FMN2: variants seen among roughly 807,000 people sequenced by gnomAD.
The protein encoded by FMN2 is formin-2.
A neutral mutation model predicts 142.3 loss-of-function variants in FMN2; 51 were observed. The ratio of observed to expected loss-of-function variants is 0.36; its 90% CI spans 0.29 to 0.45. The LOEUF is 0.45. Among genes scored for constraint, FMN2 ranks in the 20% least tolerant of loss-of-function variants. FMN2 has a pLI of 1.00. For missense variants in FMN2, 1,936 were observed against 2,122.8 expected (o/e 0.91, Z 1.73); for synonymous variants, 882 against 869.8 (o/e 1.01, Z -0.25).
intron 16 of FMN2, among the ~76,000 whole-genome samples, chr1:240,438,932 C>T (rs1463790098): frequency 1.3e-5 from 2 of 152,160 alleles, no homozygotes; most frequent in Non-Finnish European, 2.9e-5. Context: ...AACTAGTATA[C>T]TTCCTAACAT....
chr1:240,093,005 T>G lies in FMN2; in HGVS notation c.896T>G (p.Leu299Arg), dbSNP rs1337570992. 1 of 1,397,972 alleles carries G rather than the reference T, an allele frequency of 7.2e-7. No homozygotes were observed. The highest frequency in any genetic ancestry group is 1.5e-5 in the African/African-American group (1 of 65,416). The allele number at this position is 1,397,972 out of a possible 1,614,324, so 86.6% of individuals were successfully genotyped here. Residue 299 changes from leucine (L) to arginine (R), a missense_variant, in exon 1 of 18, where the codon CTC becomes CGC. Leu to Arg is a moderately radical substitution (Grantham distance 102). Transcript: ENST00000319653. ...EPQQPPSPGG[L>R]PVSEAPSLPA... ...CAGCAACCGCCGTCCCCCGGCGGCC[T>G]CCCGGTCTCCGAGGCGCCCAGTCTC...
chr1:240,121,123 T>G (rs375462433), intron 1 of FMN2, among the ~76,000 whole-genome samples: 1 of 151,640 alleles, frequency 6.6e-6, no homozygotes, highest in South Asian at 2.1e-4. Flanking sequence ...ACCGCGCCAC[T>G]GCGCGGGTGA....
chr1:240,374,449 C>T (rs1336340292), intron 14 of FMN2, among the ~76,000 whole-genome samples: 1 of 152,310 alleles, frequency 6.6e-6, no homozygotes, highest in East Asian at 1.9e-4. Flanking sequence ...CCACCTTCGT[C>T]GATTATCTTA....
chr1:240,348,512 C>A (rs574279733), intron 13 of FMN2, among the ~76,000 whole-genome samples: 15 of 142,138 alleles, frequency 1.1e-4, no homozygotes, highest in Non-Finnish European at 3.0e-5. Context: ...CATGAGCCAC[C>A]GCGCCCAGCC....
chr1:240,466,623 C>A (rs767398545), intron 16 of FMN2, among the ~76,000 whole-genome samples: 54 of 152,166 alleles, frequency 3.5e-4, no homozygotes, highest in Non-Finnish European at 7.1e-4. Context: ...CTGTCATTAC[C>A]AATCAACAAT....
chr1:240,135,757 G>A (rs12126603), intron 2 of FMN2, among the ~76,000 whole-genome samples: 1 of 148,966 alleles, frequency 6.7e-6, no homozygotes, highest in African/African-American at 2.5e-5. Context: ...TCGGCTCACT[G>A]CAGCCTCCGC....
chr1:240,381,769 C>T (rs1673234340), intron 14 of FMN2, among the ~76,000 whole-genome samples: 1 of 152,088 alleles, frequency 6.6e-6, no homozygotes, highest in African/African-American at 2.4e-5. Flanking sequence ...TCAGTAAAAT[C>T]CAACATTGCT....
chr1:240,459,015 T>C (rs1039847805), intron 16 of FMN2: 7 of 152,080 alleles, frequency 4.6e-5, no homozygotes, highest in African/African-American at 1.7e-4. Flanking sequence ...AACCAAACTC[T>C]TTTTTTTCTA....
intron 7 of FMN2, among the ~76,000 whole-genome samples, chr1:240,287,398 G>A (rs1285644338): frequency 6.6e-6 from 1 of 152,136 alleles, no homozygotes; most frequent in Non-Finnish European, 1.5e-5. Context: ...GGGTAAAGAT[G>A]CTTTCTTCAA....
intron 14 of FMN2, among the ~76,000 whole-genome samples, chr1:240,368,151 T>C (rs1672745796): frequency 1.3e-5 from 2 of 152,266 alleles, no homozygotes; most frequent in South Asian, 4.1e-4. Flanking sequence ...AGACTTCTAA[T>C]AAGTCTTGAA....
At chr1:240,290,192 A>G (rs1196747630) in intron 7 of FMN2, among the ~76,000 whole-genome samples, 1 of 152,108 alleles carries the variant, frequency 6.6e-6, no homozygotes, top group Non-Finnish European at 1.5e-5. Flanking sequence ...AAGAAAACAG[A>G]TTTCTTTTTC....
In FMN2 at chr1:240,224,214, T is replaced by C. The variant is rs1024594472; in HGVS notation, c.4065+12979T>C. On this transcript the variant is annotated intron_variant, in intron 6 of 17. Transcript: ENST00000319653. ...GTTCTCATTGGTTTCAAAGAACTTATTTATTTCTGGCTTGATTTCGTTATT... is the reference window on the plus strand; with the variant it reads ...GTTCTCATTGGTTTCAAAGAACTTACTTATTTCTGGCTTGATTTCGTTATT... Among the ~76,000 whole-genome samples the C allele has an allele frequency of 2.6e-5, 4 of 152,338 alleles. No homozygotes were observed. In the East Asian group the frequency reaches 7.7e-4, roughly 29 times the overall value.
At chr1:240,268,455 CCTAA>C (rs1033236060) in intron 7 of FMN2, among the ~76,000 whole-genome samples, 1 of 151,968 alleles carries the variant, frequency 6.6e-6, no homozygotes, top group African/African-American at 2.4e-5. Flanking sequence ...TAAAATCTCC[CCTAA>C]CTGTGTGGCT....
At chr1:240,322,015 T>C (rs1298034118) in intron 8 of FMN2, among the ~76,000 whole-genome samples, 1 of 152,152 alleles carries the variant, frequency 6.6e-6, no homozygotes, top group Non-Finnish European at 1.5e-5. Context: ...ACAGTGCATT[T>C]AATACACCTA....
At position 240,109,233 on chromosome 1, in the gene FMN2, G is replaced by T. The variant is rs116304576; in HGVS notation, c.1616-13946G>T. On this transcript the variant is annotated intron_variant, in intron 1 of 17. Coordinates refer to ENST00000319653, the MANE Select transcript of FMN2 (RefSeq NM_020066.5). The stretch of plus-strand genomic sequence containing the variant: ...TTAGACATATGACTCAAGTATTTGG[G>T]CCTTGATTTCTTTACAGTGGAATTA... Among the ~76,000 whole-genome samples the T allele has an allele frequency of 7.0e-3, 1,060 of 152,266 alleles. 11 individuals carry two copies. Among genetic ancestry groups the T allele is most frequent in the African/African-American group, 0.024 (980 of 41,554 alleles).
intron 16 of FMN2, among the ~76,000 whole-genome samples, chr1:240,452,052 G>A (rs1205295208): frequency 1.3e-5 from 2 of 152,022 alleles, no homozygotes; most frequent in African/African-American, 4.8e-5. Flanking sequence ...TTAGCCAGGT[G>A]TGGTGGCACT....
intron 1 of FMN2, among the ~76,000 whole-genome samples, chr1:240,114,422 G>T (rs1009692226): frequency 1.3e-5 from 2 of 152,052 alleles, no homozygotes; most frequent in African/African-American, 4.8e-5. Context: ...AGCTCGATGG[G>T]GGATGCTGTG....
At chr1:240,247,042 T>G (rs2102878307) in intron 6 of FMN2, among the ~76,000 whole-genome samples, 1 of 152,320 alleles carries the variant, frequency 6.6e-6, no homozygotes, top group Admixed American at 6.5e-5. Flanking sequence ...TGGTTCGTAA[T>G]GCAAAGTTTG....
At chr1:240,458,902 T>TA (rs1676344197) in intron 16 of FMN2, 2 of 152,136 alleles carry the variant, frequency 1.3e-5, no homozygotes, top group Non-Finnish European at 2.9e-5. Flanking sequence ...TGGTCATTCT[T>TA]ATAGGACCAA....
Sources: gnomAD v4.1 joint callset for allele counts (sites outside exome capture counted in the v4.1 genomes callset) on GRCh38, gnomAD v4.1.1 for gene constraint, MANE v1.5 for transcripts, NCBI Gene and HGNC (gene_info 2026-07-23, HGNC 2026-07-21) for gene names.